RAB3GAP2: variants seen among roughly 807,000 people sequenced by gnomAD.
RAB3GAP2 encodes the protein rab3 GTPase-activating protein non-catalytic subunit.
RAB3GAP2 carries 87 observed loss-of-function variants against 185.3 expected under a neutral mutation model. That is an observed-to-expected ratio of 0.47 (90% CI 0.39 to 0.56). The LOEUF is 0.56. RAB3GAP2 is among the 20% of genes least tolerant of loss of function. The pLI is 0.00. For missense variants in RAB3GAP2, 1,492 were observed against 1,638.2 expected, an observed-to-expected ratio of 0.91 and a Z score of 1.54; for synonymous variants, 554 against 576.1, an observed-to-expected ratio of 0.96 and a Z score of 0.55.
intron 26 of RAB3GAP2, among the ~76,000 whole-genome samples, chr1:220,166,441 G>A (rs1413340840): frequency 6.6e-6 from 1 of 152,154 alleles, no homozygotes. Flanking sequence ...TTGGCAAAGG[G>A]GAATATTTAC....
chr1:220,172,631 G>A lies in RAB3GAP2; in HGVS notation c.2416+6C>T. 1.3e-6 allele frequency: 2 copies of A among 1,589,556 alleles called. No individual in the cohort carries two copies. Among genetic ancestry groups the A allele is most frequent in the Non-Finnish European group, 1.7e-6 (2 of 1,157,636 alleles). ...TTTGTTGACGAGAGCAACAAACTTT[G>A]TTTACCTTTCATCTTGCTCAGGAGG... On this transcript the variant is annotated splice_donor_region_variant and intron_variant, in intron 22 of 34. Coordinates refer to ENST00000358951, the MANE Select transcript of RAB3GAP2 (RefSeq NM_012414.4).
At chr1:220,235,787 C>G (rs1470196778) in intron 1 of RAB3GAP2, among the ~76,000 whole-genome samples, 1 of 152,186 alleles carries the variant, frequency 6.6e-6, no homozygotes, top group African/African-American at 2.4e-5. Context: ...TTTCCTACCC[C>G]TGCAGAGACC....
chr1:220,154,723 T>TA, intron 31 of RAB3GAP2, among the ~76,000 whole-genome samples: 1 of 145,712 alleles, frequency 6.9e-6, no homozygotes, highest in Admixed American at 6.8e-5. Context: ...CCTGAATCCT[T>TA]TTTTTTTTTT....
intron 32 of RAB3GAP2, chr1:220,153,765 C>T (rs925561073): frequency 3.8e-5 from 21 of 554,002 alleles, no homozygotes; most frequent in South Asian, 1.2e-4. Flanking sequence ...CCCCACCCCA[C>T]GACAGGCCCT....
In RAB3GAP2 at chr1:220,272,341, T is replaced by C. The variant is rs775659602; in HGVS notation, c.-4A>G. On this transcript the variant is annotated 5_prime_UTR_variant, in exon 1 of 35. Coordinates refer to ENST00000358951, the MANE Select transcript of RAB3GAP2 (RefSeq NM_012414.4). ...ACTGGACAATGGAGCAGGCCATGGC[T>C]CCAGGGAACCCCACTACGGCACTCA... is the stretch of plus-strand genomic sequence containing the variant. 25 of 1,603,426 alleles carry C rather than the reference T, an allele frequency of 1.6e-5. No individual in the cohort carries two copies. The highest frequency in any genetic ancestry group is 2.1e-5 in the Non-Finnish European group (25 of 1,174,222).
At position 220,171,102 on chromosome 1, in the gene RAB3GAP2, C is replaced by T; in HGVS notation, c.2596G>A (p.Gly866Ser). 1 of 1,614,044 alleles carries T rather than the reference C, an allele frequency of 6.2e-7. No individual in the cohort carries two copies. The highest frequency in any genetic ancestry group is 8.5e-7 in the Non-Finnish European group (1 of 1,179,960). The change falls in exon 24 of 35, where the codon GGT becomes AGT. Residue 866 changes from glycine to serine, a missense_variant. By Grantham distance (56) the Gly-to-Ser change is moderately conservative. Coordinates refer to ENST00000358951, the MANE Select transcript of RAB3GAP2 (RefSeq NM_012414.4). ...TEKKFSQTVLGADSEALTDSW... is the reference protein window; with the variant it reads ...TEKKFSQTVLSADSEALTDSW... ...TCAGTGAGGGCCTCTGAATCAGCAC[C>T]CAAAACTGTTTGGGAAAACTAATAA... is the stretch of plus-strand genomic sequence containing the variant.
intron 9 of RAB3GAP2, among the ~76,000 whole-genome samples, chr1:220,200,093 C>T (rs971383267): frequency 2.6e-5 from 4 of 152,170 alleles, no homozygotes; most frequent in Non-Finnish European, 4.4e-5. Context: ...CTGTTTTCCC[C>T]TCACTCTTTA....
At position 220,260,753 on chromosome 1, in the gene RAB3GAP2, TGAAGAA is replaced by T. The variant is rs894371874; in HGVS notation, c.115+11464_115+11469del. On this transcript the variant is annotated intron_variant, in intron 1 of 34. Transcript: ENST00000358951. Reference sequence around the variant, plus strand: ...CACATGCATCCCTGAACTTAAAAGTTGAAGAAGAAGAAGAAAAAAGTCTTACTAAGG... The same window carrying T: ...CACATGCATCCCTGAACTTAAAAGTTGAAGAAGAAAAAAGTCTTACTAAGG... Among the ~76,000 whole-genome samples the T allele has an allele frequency of 1.1e-4, 17 of 152,108 alleles. No homozygotes were observed. In the East Asian group the frequency reaches 3.3e-3, roughly 29 times the overall value.
At position 220,206,622 on chromosome 1, in the gene RAB3GAP2, G is replaced by GT. The variant is rs1658972714; in HGVS notation, c.613-617dup. Among the ~76,000 whole-genome samples, 3 of 152,128 alleles carry GT rather than the reference G, an allele frequency of 2.0e-5. 1 individual carries two copies. The South Asian group carries it at 6.2e-4, about 32-fold the overall frequency. On this transcript the variant is annotated intron_variant, in intron 7 of 34. Coordinates refer to ENST00000358951, the MANE Select transcript of RAB3GAP2 (RefSeq NM_012414.4). ...GCTCCACACAGCCAGTGTGCTCTTG[G>GT]TGAGACATAGCAGATCAAACCAATC...
At position 220,212,905 on chromosome 1, in the gene RAB3GAP2, G is replaced by T. The variant is rs1475325638; in HGVS notation, c.368C>A (p.Ser123Tyr). ...CACCTACCCTTCTTCGACATTTAAG[G>T]AACCACTCCAGCCAACAGCAAATTG... Reference protein sequence around the residue: ...EMQFAVGWSGSLNVEEGECVT... With the variant: ...EMQFAVGWSGYLNVEEGECVT... The change falls in exon 4 of 35, where the codon TCC becomes TAC. Residue 123 changes from serine to tyrosine, a missense_variant. Ser to Tyr is a moderately radical substitution (Grantham distance 144, BLOSUM62 -2). Coordinates refer to ENST00000358951, the MANE Select transcript of RAB3GAP2 (RefSeq NM_012414.4). 1 of 1,613,168 alleles carries T rather than the reference G, an allele frequency of 6.2e-7. No homozygotes were observed. The highest frequency in any genetic ancestry group is 8.5e-7 in the Non-Finnish European group (1 of 1,179,420).
At chr1:220,257,526 A>G (rs1453081476) in intron 1 of RAB3GAP2, among the ~76,000 whole-genome samples, 1 of 152,230 alleles carries the variant, frequency 6.6e-6, no homozygotes, top group African/African-American at 2.4e-5. Context: ...TTTGAATCTA[A>G]TGAGAACAAA....
intron 1 of RAB3GAP2, among the ~76,000 whole-genome samples, chr1:220,247,596 G>T (rs533065222): frequency 1.3e-5 from 2 of 152,252 alleles, no homozygotes; most frequent in South Asian, 4.1e-4. Flanking sequence ...AGGACTCGAT[G>T]AGGGGAGGTT....
chr1:220,193,432 T>C (rs1658663107), intron 12 of RAB3GAP2, 53 bp from the exon 13 acceptor site: 1 of 1,555,714 alleles, frequency 6.4e-7, no homozygotes, highest in Non-Finnish European at 8.8e-7. Flanking sequence ...TTCAGAAACA[T>C]ATAACAGAAT....
intron 1 of RAB3GAP2, among the ~76,000 whole-genome samples, chr1:220,247,106 A>G (rs187856851): frequency 6.6e-6 from 1 of 152,284 alleles, no homozygotes; most frequent in Admixed American, 6.5e-5. Flanking sequence ...TCAAAAAACA[A>G]TAGATGTTGG....
At chr1:220,258,647 G>C (rs1045859257) in intron 1 of RAB3GAP2, among the ~76,000 whole-genome samples, 1 of 152,124 alleles carries the variant, frequency 6.6e-6, no homozygotes, top group Non-Finnish European at 1.5e-5. Flanking sequence ...ATGGGCAAAA[G>C]CTGGAAGCAT....
At chr1:220,216,555 T>G (rs957132964) in intron 2 of RAB3GAP2, among the ~76,000 whole-genome samples, 7 of 152,156 alleles carry the variant, frequency 4.6e-5, no homozygotes, top group Non-Finnish European at 1.0e-4. Context: ...CACAGGACCT[T>G]CTAAGTGATT....
chr1:220,196,175 G>C, intron 10 of RAB3GAP2, 75 bp downstream of exon 10: 7 of 1,513,530 alleles, frequency 4.6e-6, no homozygotes, highest in Non-Finnish European at 6.4e-6. Flanking sequence ...GGCTAAGCAA[G>C]TTACCATATC....
chr1:220,241,092 G>T (rs780105379), intron 1 of RAB3GAP2, among the ~76,000 whole-genome samples: 7 of 152,012 alleles, frequency 4.6e-5, no homozygotes, highest in Admixed American at 1.3e-4. Flanking sequence ...TCCATTCAAT[G>T]AATTATTCTA....
intron 1 of RAB3GAP2, among the ~76,000 whole-genome samples, chr1:220,241,774 G>A (rs747780983): frequency 2.6e-5 from 4 of 151,796 alleles, no homozygotes; most frequent in Non-Finnish European, 5.9e-5. Context: ...TAGTCACTTA[G>A]TCACTTACCA....
Sources: gnomAD v4.1 joint callset for allele counts (sites outside exome capture counted in the v4.1 genomes callset) on GRCh38, gnomAD v4.1.1 for gene constraint, MANE v1.5 for transcripts, NCBI Gene and HGNC (gene_info 2026-07-23, HGNC 2026-07-21) for gene names.